CRHBP: variants seen among roughly 807,000 people sequenced by gnomAD.
The protein encoded by CRHBP is corticotropin releasing hormone binding protein.
CRHBP carries 19 observed loss-of-function variants against 34.9 expected under a neutral mutation model. The ratio of observed to expected loss-of-function variants is 0.55; its 90% CI spans 0.38 to 0.80. CRHBP has a LOEUF of 0.80. Among genes scored for constraint, CRHBP ranks in the 30% least tolerant of loss-of-function variants. CRHBP has a pLI of 0.00. For missense variants in CRHBP, 328 were observed against 409.2 expected (o/e 0.80, Z 1.71); for synonymous variants, 154 against 153.4 (o/e 1.00, Z -0.03).
rs1355818985 is a variant in CRHBP at position 76,975,956 on chromosome 5, G to A, written n.312-409G>A. ...TGTGTGTATATATATATATATATGC[G>A]TGTATATATATATATATGTTGGTGG... On this transcript the variant is annotated intron_variant and non_coding_transcript_variant, in intron 2 of 3. Transcript: ENST00000514258. Among the ~76,000 whole-genome samples the A allele has an allele frequency of 1.6e-4, 23 of 141,584 alleles. 1 individual carries two copies. Among genetic ancestry groups the A allele is most frequent in the Admixed American group, 7.2e-5 (1 of 13,894 alleles). 92.9% of individuals were successfully genotyped at this position (141,584 alleles called of 152,430 possible).
rs529819004 is a variant in CRHBP, at chr5:76,953,542, G to T, written c.82-59G>T. The T allele has an allele frequency of 7.3e-6, 11 of 1,516,886 alleles. No individual in the cohort carries two copies. The African/African-American group carries it at 1.5e-4, about 21-fold the overall frequency. The allele number at this position is 1,516,886 out of a possible 1,614,324, so 94.0% of individuals were successfully genotyped here. A position where few individuals can be genotyped will look rare whatever the true frequency, so the allele number is the denominator to read the frequency against. On this transcript the variant is annotated intron_variant, in intron 1 of 6. Coordinates refer to ENST00000274368, the MANE Select transcript of CRHBP (RefSeq NM_001882.4). The stretch of plus-strand genomic sequence containing the variant: ...TGGCAGGGAGGGTGCCCCGCTCCTG[G>T]TCCCCTTTTTTATCCCCAGCCCTTG...
At chr5:76,974,231 G>A (rs544810434), downstream of CRHBP, among the ~76,000 whole-genome samples, 99 of 151,260 alleles carry the variant, frequency 6.5e-4, 1 homozygote, top group South Asian at 0.02. Context: ...TGGTCAGGCT[G>A]GTCTTGAACT....
chr5:76,959,810 C>G (rs1488093113), intron 5 of CRHBP, among the ~76,000 whole-genome samples: 5 of 152,036 alleles, frequency 3.3e-5, no homozygotes, highest in Non-Finnish European at 7.4e-5. Flanking sequence ...GTTTTACTGG[C>G]TTGATATTAT....
intron 6 of CRHBP, among the ~76,000 whole-genome samples, chr5:76,965,199 G>T (rs1429668172): frequency 6.6e-6 from 1 of 152,042 alleles, no homozygotes; most frequent in Non-Finnish European, 1.5e-5. Context: ...TGTGGATTTT[G>T]GTATCCGTGG....
rs527637787 is a variant in CRHBP, at chr5:76,969,017, A to G, written c.*132A>G. On this transcript the variant is annotated 3_prime_UTR_variant, in exon 7 of 7. Coordinates refer to ENST00000274368, the MANE Select transcript of CRHBP (RefSeq NM_001882.4). ...TTCCCAGCCTTGAGCGCACGCGCGC[A>G]CACACACACACACATACACACACGC... 7.0e-4 allele frequency: 449 copies of G among 645,564 alleles called. 3 individuals carry two copies. In the South Asian group the frequency reaches 7.0e-3, roughly 10 times the overall value. The allele number at this position is 645,564 out of a possible 1,614,324, so 40.0% of individuals were successfully genotyped here.
chr5:76,976,112 C>A (rs183814032), intron 2 of CRHBP, among the ~76,000 whole-genome samples: 1 of 151,314 alleles, frequency 6.6e-6, no homozygotes, highest in Non-Finnish European at 1.5e-5. Context: ...AGATGCTGGC[C>A]CCTACCCACC....
intron 3 of CRHBP, among the ~76,000 whole-genome samples, chr5:76,977,700 T>C (rs919618831): frequency 1.2e-4 from 18 of 152,208 alleles, no homozygotes; most frequent in Non-Finnish European, 2.6e-4. Flanking sequence ...GGCCAATTTA[T>C]AATTCTACAA....
Position 76,965,588 on chromosome 5 carries a change from G to A in CRHBP, c.811+2128G>A, listed in dbSNP as rs868858030. ...ATACCTCAGCTGGGTTAAAAAGTAA[G>A]ACAAGGATTAAAGAACAATCAGGCC... On this transcript the variant is annotated intron_variant, in intron 6 of 6. Coordinates refer to ENST00000274368, the MANE Select transcript of CRHBP (RefSeq NM_001882.4). 3.3e-5 allele frequency among the ~76,000 whole-genome samples: 5 copies of A among 152,232 alleles called. No homozygotes were observed. The South Asian group carries it at 1.0e-3, about 32-fold the overall frequency.
At chr5:76,964,886 A>ATG (rs1745837287) in intron 6 of CRHBP, among the ~76,000 whole-genome samples, 1 of 151,888 alleles carries the variant, frequency 6.6e-6, no homozygotes, top group South Asian at 2.1e-4. Context: ...ATATATATAT[A>ATG]TTCAGTGTAA....
chr5:76,955,803 C>T lies in CRHBP; in HGVS notation c.484C>T (p.Arg162Ter), dbSNP rs1477155550. Residue 162 changes from arginine (R) to a stop codon, truncating the protein, a stop_gained, in exon 4 of 7, where the codon CGA becomes TGA. Transcript: ENST00000274368. LOFTEE classifies it high-confidence loss of function. ...CCAGAATGTGGCCATGATCTTCTTCCGAGTCCATGAACCAGGAAATGGATT... is the reference window on the plus strand; with the variant it reads ...CCAGAATGTGGCCATGATCTTCTTCTGAGTCCATGAACCAGGAAATGGATT... Reference protein sequence around the residue: ...SSQNVAMIFFRVHEPGNGFTL... With the variant: ...SSQNVAMIFF 1.2e-6 allele frequency: 2 copies of T among 1,614,174 alleles called. No individual in the cohort carries two copies. The highest frequency in any genetic ancestry group is 1.7e-5 in the Admixed American group (1 of 60,022).
intron 3 of CRHBP, among the ~76,000 whole-genome samples, chr5:76,954,564 G>A (rs1745638064): frequency 6.6e-6 from 1 of 152,166 alleles, no homozygotes; most frequent in African/African-American, 2.4e-5. Context: ...CTCGAGTGCT[G>A]GGGTCCACCA....
chr5:76,979,959 G>C (rs896733286), intron 3 of CRHBP, among the ~76,000 whole-genome samples: 21 of 152,042 alleles, frequency 1.4e-4, no homozygotes, highest in Non-Finnish European at 2.9e-5. Context: ...CAGTTAGAAA[G>C]CAGTGGGGCC....
intron 6 of CRHBP, among the ~76,000 whole-genome samples, chr5:76,967,822 C>T (rs1195800604): frequency 2.0e-5 from 3 of 151,894 alleles, no homozygotes; most frequent in African/African-American, 4.8e-5. Context: ...CCTCAGCCTC[C>T]CGAGTAGCTG....
intron 2 of CRHBP, 97 bp from the exon 3 acceptor site, chr5:76,953,932 A>G (rs996796255): frequency 6.9e-6 from 10 of 1,449,372 alleles, no homozygotes; most frequent in African/African-American, 4.2e-5. Context: ...TGGGCACTAC[A>G]GAGCCCGGGA....
chr5:76,961,360 T>C (rs1745772739), intron 5 of CRHBP, among the ~76,000 whole-genome samples: 2 of 152,198 alleles, frequency 1.3e-5, no homozygotes, highest in South Asian at 4.1e-4. Flanking sequence ...TGAGTCTGCC[T>C]TTTTGCCTGC....
At chr5:76,960,472 G>T (rs1745759390) in intron 5 of CRHBP, among the ~76,000 whole-genome samples, 2 of 152,282 alleles carry the variant, frequency 1.3e-5, no homozygotes, top group East Asian at 3.9e-4. Context: ...AGAGTTCAGG[G>T]AGGAAAGCAA....
rs1745593170 is a variant in CRHBP, at chr5:76,953,053, G to C, written c.-82G>C. Reference sequence around the variant, plus strand: ...AGCAAAGGGACCCTACCAGCTTCTAGCTCTCAGTCTGCGCGAGGGTGTAGG... The same window carrying C: ...AGCAAAGGGACCCTACCAGCTTCTACCTCTCAGTCTGCGCGAGGGTGTAGG... On this transcript the variant is annotated 5_prime_UTR_variant, in exon 1 of 7. Transcript: ENST00000274368. 3 of 1,412,818 alleles carry C rather than the reference G, an allele frequency of 2.1e-6. No homozygotes were observed. The East Asian group carries it at 6.8e-5, about 32-fold the overall frequency. 87.5% of individuals were successfully genotyped at this position (1,412,818 alleles called of 1,614,324 possible). A position where few individuals can be genotyped will look rare whatever the true frequency, so the allele number is the denominator to read the frequency against.
downstream of CRHBP, among the ~76,000 whole-genome samples, chr5:76,974,403 C>T (rs950958726): frequency 6.6e-6 from 1 of 151,926 alleles, no homozygotes. Context: ...CCGCTGGCCT[C>T]AGCCTCCCAA....
At chr5:76,956,822 C>T (rs1007193892) in intron 4 of CRHBP, among the ~76,000 whole-genome samples, 3 of 152,152 alleles carry the variant, frequency 2.0e-5, no homozygotes, top group African/African-American at 7.2e-5. Flanking sequence ...ACATATCACT[C>T]ATTTTTGCAT....
Sources: allele counts gnomAD v4.1 joint callset (sites outside exome capture counted in the v4.1 genomes callset), GRCh38; gene constraint gnomAD v4.1.1; transcripts MANE v1.5; gene names NCBI Gene and HGNC (gene_info 2026-07-23, HGNC 2026-07-21).